The following STXBP4 variants were observed in gnomAD, a reference collection of about 807,000 sequenced individuals.
STXBP4 encodes the protein syntaxin binding protein 4, also known as syntaxin-binding protein 4.
A neutral mutation model predicts 76.1 loss-of-function variants in STXBP4; 55 were observed. That is an observed-to-expected ratio of 0.72 (90% CI 0.58 to 0.91). The LOEUF is 0.91. STXBP4 is among the 40% of genes least tolerant of loss of function. The pLI, the probability that STXBP4 is intolerant of heterozygous loss-of-function variation, is 0.00. For missense variants in STXBP4, 618 were observed against 636.9 expected (o/e 0.97, Z 0.32); for synonymous variants, 201 against 220.2 (o/e 0.91, Z 0.77).
intron 15 of STXBP4, among the ~76,000 whole-genome samples, chr17:55,080,254 C>G (rs751109159): frequency 7.9e-5 from 12 of 152,264 alleles, no homozygotes; most frequent in Non-Finnish European, 1.6e-4. Context: ...AAATTAAACA[C>G]TAGTAAAAAC....
chr17:55,057,998 AGTGCCACAATAAACGTACTTG>A (rs2078951216), intron 12 of STXBP4, among the ~76,000 whole-genome samples: 1 of 152,316 alleles, frequency 6.6e-6, no homozygotes, highest in African/African-American at 2.4e-5. Context: ...CATTGTGAAC[AGTGCCACAATAAACGTACTTG>A]TGCATGTGTC....
chr17:55,041,142 A>G (rs917910010), intron 10 of STXBP4, among the ~76,000 whole-genome samples: 2 of 152,040 alleles, frequency 1.3e-5, no homozygotes, highest in Non-Finnish European at 2.9e-5. Context: ...GTTAAGTTCA[A>G]AAGTTTATTG....
chr17:55,121,374 G>A (rs1199979016), intron 16 of STXBP4, among the ~76,000 whole-genome samples: 1 of 152,054 alleles, frequency 6.6e-6, no homozygotes, highest in Non-Finnish European at 1.5e-5. Context: ...GGGAGATAAA[G>A]GAAAACTGTC....
intron 16 of STXBP4, among the ~76,000 whole-genome samples, chr17:55,128,210 T>C (rs1396707684): frequency 6.6e-6 from 1 of 152,226 alleles, no homozygotes; most frequent in African/African-American, 2.4e-5. Context: ...TGAGATACTG[T>C]CCTGAATCTG....
intron 12 of STXBP4, among the ~76,000 whole-genome samples, chr17:55,053,393 T>C (rs1431642774): frequency 2.0e-5 from 3 of 152,110 alleles, no homozygotes; most frequent in Non-Finnish European, 4.4e-5. Flanking sequence ...TGTAATTGCA[T>C]TGTGTATAAA....
the STXBP4 span, among the ~76,000 whole-genome samples, chr17:55,203,235 C>T: frequency 6.6e-6 from 1 of 152,150 alleles, no homozygotes; most frequent in Non-Finnish European, 1.5e-5. Flanking sequence ...AGGTCCTCTT[C>T]CCCTGTGCTG....
intron 16 of STXBP4, among the ~76,000 whole-genome samples, chr17:55,094,555 G>A (rs550819296): frequency 6.6e-6 from 1 of 152,250 alleles, no homozygotes; most frequent in Non-Finnish European, 1.5e-5. Context: ...TGGAACGCCT[G>A]AAATTCGGTG....
chr17:55,173,838 G>C (rs1338462381), downstream of STXBP4, among the ~76,000 whole-genome samples: 1 of 152,148 alleles, frequency 6.6e-6, no homozygotes, highest in Non-Finnish European at 1.5e-5. Flanking sequence ...TTATCAGCAG[G>C]GTTGTATTTC....
intron 1 of STXBP4, among the ~76,000 whole-genome samples, chr17:54,975,898 G>C (rs1163213754): frequency 1.3e-5 from 2 of 151,990 alleles, no homozygotes; most frequent in Non-Finnish European, 2.9e-5. Flanking sequence ...CTTATTATTT[G>C]GATCTTAGCT....
At chr17:55,069,903 T>C (rs2079101107) in intron 12 of STXBP4, among the ~76,000 whole-genome samples, 1 of 152,016 alleles carries the variant, frequency 6.6e-6, no homozygotes, top group African/African-American at 2.4e-5. Context: ...TATTCTTCAT[T>C]GCAGCTATGG....
intron 12 of STXBP4, among the ~76,000 whole-genome samples, chr17:55,068,727 A>G (rs1174726508): frequency 1.3e-5 from 2 of 152,138 alleles, no homozygotes; most frequent in Non-Finnish European, 2.9e-5. Flanking sequence ...TTCTCTTGTG[A>G]GAATAGTTTT....
At chr17:55,052,484 C>T (rs1169087818) in intron 12 of STXBP4, among the ~76,000 whole-genome samples, 3 of 152,044 alleles carry the variant, frequency 2.0e-5, no homozygotes, top group Non-Finnish European at 4.4e-5. Flanking sequence ...CTGGTAATTG[C>T]AGAGAAGCTG....
At chr17:54,979,438 T>G (rs932142063) in intron 1 of STXBP4, among the ~76,000 whole-genome samples, 1 of 152,160 alleles carries the variant, frequency 6.6e-6, no homozygotes, top group African/African-American at 2.4e-5. Flanking sequence ...AGAAAGCAAT[T>G]AAATCTCTCC....
At chr17:54,976,372 A>G (rs983306724) in intron 1 of STXBP4, among the ~76,000 whole-genome samples, 1 of 152,236 alleles carries the variant, frequency 6.6e-6, no homozygotes, top group Non-Finnish European at 1.5e-5. Flanking sequence ...TTGAATAAGC[A>G]CAGAAATTGA....
At chr17:55,177,525 G>A (rs961787954), downstream of STXBP4, among the ~76,000 whole-genome samples, 1 of 152,228 alleles carries the variant, frequency 6.6e-6, no homozygotes, top group African/African-American at 2.4e-5. Context: ...AATCTGTGTA[G>A]TCCTCTGACT....
chr17:55,187,771 A>G, the STXBP4 span, among the ~76,000 whole-genome samples: 1 of 152,228 alleles, frequency 6.6e-6, no homozygotes, highest in Non-Finnish European at 1.5e-5. Context: ...GTTGTCGATC[A>G]GGGATTTAGA....
the STXBP4 span, among the ~76,000 whole-genome samples, chr17:55,184,226 T>G: frequency 6.6e-6 from 1 of 151,960 alleles, no homozygotes; most frequent in African/African-American, 2.4e-5. Flanking sequence ...GAAAAGAGGT[T>G]GTAGAGGGCA....
rs1157991041 is a variant in STXBP4 at position 55,162,234 on chromosome 17, G to A, written c.*2323G>A. On this transcript the variant is annotated 3_prime_UTR_variant, in exon 18 of 18. Coordinates refer to ENST00000376352, the MANE Select transcript of STXBP4 (RefSeq NM_178509.6). ...CATAAGAGATGCTCAAAAAAGCATGGTCAGGGCTTAGCAAGAATCCTTTTC... is the reference window on the plus strand; with the variant it reads ...CATAAGAGATGCTCAAAAAAGCATGATCAGGGCTTAGCAAGAATCCTTTTC... 1 of 152,176 alleles carries A rather than the reference G, an allele frequency of 6.6e-6. No individual in the cohort carries two copies. Among genetic ancestry groups the A allele is most frequent in the Non-Finnish European group, 1.5e-5 (1 of 68,042 alleles). 9.4% of individuals were successfully genotyped at this position (152,176 alleles called of 1,614,324 possible). A position where few individuals can be genotyped will look rare whatever the true frequency, so the allele number is the denominator to read the frequency against.
chr17:55,209,752 C>T, the STXBP4 span, among the ~76,000 whole-genome samples: 1 of 152,254 alleles, frequency 6.6e-6, no homozygotes, highest in East Asian at 1.9e-4. Context: ...ATTGTTGTCT[C>T]CCAGGTCACA....
Sources: allele counts gnomAD v4.1 joint callset (sites outside exome capture counted in the v4.1 genomes callset), GRCh38; gene constraint gnomAD v4.1.1; transcripts MANE v1.5; gene names NCBI Gene and HGNC (gene_info 2026-07-23, HGNC 2026-07-21).